Variants in BCL2L13 observed in about 807,000 individuals in gnomAD.
BCL2L13 encodes BCL2 like 13.
A neutral mutation model predicts 25.8 loss-of-function variants in BCL2L13; 13 were observed. The observed-to-expected ratio is 0.50, with a 90% CI of 0.33 to 0.80. The LOEUF (loss-of-function observed/expected upper bound fraction) is 0.80. BCL2L13 is among the 30% of genes least tolerant of loss of function. The pLI is 0.02. For synonymous variants in BCL2L13, 244 were observed against 230.3 expected, an observed-to-expected ratio of 1.06 and a Z score of -0.54; for missense variants, 504 against 574.9, an observed-to-expected ratio of 0.88 and a Z score of 1.26.
intron 4 of BCL2L13, among the ~76,000 whole-genome samples, chr22:17,693,093 G>A (rs945514169): frequency 3.3e-5 from 5 of 152,044 alleles, no homozygotes; most frequent in African/African-American, 1.2e-4. Context: ...AGATCTGAGT[G>A]TGAATTCCTG....
At position 17,726,908 on chromosome 22, in the gene BCL2L13, C is replaced by G. The variant is rs1400143447; in HGVS notation, c.832C>G (p.Gln278Glu). The part of the protein sequence containing the change: ...PVSLGPESWQ[Q>E]IAMDPEEVKS... ...GTCACTAGGCCCTGAGTCCTGGCAGCAGATTGCAATGGATCCTGAAGAAGT... is the reference window on the plus strand; with the variant it reads ...GTCACTAGGCCCTGAGTCCTGGCAGGAGATTGCAATGGATCCTGAAGAAGT... Residue 278 changes from glutamine (Q) to glutamate (E), a missense_variant, in exon 7 of 7, where the codon CAG becomes GAG. Physicochemically the swap from Gln to Glu is conservative, Grantham distance 29. Coordinates refer to ENST00000317582, the MANE Select transcript of BCL2L13 (RefSeq NM_015367.4). The G allele has an allele frequency of 6.2e-6, 10 of 1,614,208 alleles. No homozygotes were observed. Among genetic ancestry groups the G allele is most frequent in the Non-Finnish European group, 8.5e-6 (10 of 1,180,052 alleles).
chr22:17,655,046 T>C (rs2058809369), intron 1 of BCL2L13, among the ~76,000 whole-genome samples: 1 of 134,092 alleles, frequency 7.5e-6, no homozygotes, highest in African/African-American at 2.9e-5. Context: ...TTATAAGCTT[T>C]TTTCTGTTTT....
chr22:17,671,824 A>G (rs1434875293), intron 2 of BCL2L13, among the ~76,000 whole-genome samples: 1 of 151,986 alleles, frequency 6.6e-6, no homozygotes, highest in African/African-American at 2.4e-5. Flanking sequence ...AGCAATTCTC[A>G]TGCCTCAGCC....
chr22:17,667,137 T>C (rs1047590463), intron 2 of BCL2L13, among the ~76,000 whole-genome samples: 1 of 152,202 alleles, frequency 6.6e-6, no homozygotes, highest in Non-Finnish European at 1.5e-5. Flanking sequence ...ATTCCTTTTT[T>C]TGGGTATATA....
chr22:17,683,339 T>C lies in BCL2L13; in HGVS notation c.229+18T>C, dbSNP rs751738331. ...TTCTGAAGGTCTGTTTATTCTTATTTTTCTAGTTAATAAGCAGATTGTGTT... is the reference window on the plus strand; with the variant it reads ...TTCTGAAGGTCTGTTTATTCTTATTCTTCTAGTTAATAAGCAGATTGTGTT... On this transcript the variant is annotated intron_variant, in intron 3 of 6. Transcript: ENST00000317582. 7.2e-7 allele frequency: 1 copy of C among 1,382,170 alleles called. No individual in the cohort carries two copies. Among genetic ancestry groups the C allele is most frequent in the South Asian group, 1.2e-5 (1 of 80,026 alleles). 85.6% of individuals were successfully genotyped at this position (1,382,170 alleles called of 1,614,324 possible).
intron 6 of BCL2L13, among the ~76,000 whole-genome samples, chr22:17,720,715 T>G (rs1298095089): frequency 6.6e-6 from 1 of 151,412 alleles, no homozygotes; most frequent in African/African-American, 2.4e-5. Flanking sequence ...TTGCCCAGGT[T>G]GGTTTCAAAT....
intron 3 of BCL2L13, among the ~76,000 whole-genome samples, chr22:17,684,860 G>A (rs8138394): frequency 0.46 from 70,374 of 151,646 alleles, 17,185 homozygotes; most frequent in East Asian, 0.8. Flanking sequence ...AGCCTCCCGA[G>A]TAGCTGGGAC....
At chr22:17,638,714 C>T (rs751974970), upstream of BCL2L13, 13 of 1,231,602 alleles carry the variant, frequency 1.1e-5, no homozygotes, top group South Asian at 4.1e-5. Context: ...GTTCAGGTCC[C>T]GCCCCGACGC....
intron 5 of BCL2L13, among the ~76,000 whole-genome samples, chr22:17,701,016 G>A (rs2060417024): frequency 6.6e-6 from 1 of 152,050 alleles, no homozygotes; most frequent in Non-Finnish European, 1.5e-5. Context: ...CCTTTTGCAG[G>A]CATATGGACC....
At chr22:17,670,449 A>G (rs2146618074) in intron 2 of BCL2L13, among the ~76,000 whole-genome samples, 1 of 145,664 alleles carries the variant, frequency 6.9e-6, no homozygotes, top group East Asian at 2.0e-4. Context: ...ATCTTGGCTC[A>G]CCGCAACCTC....
chr22:17,710,656 C>CA (rs905025052), intron 6 of BCL2L13, among the ~76,000 whole-genome samples: 1 of 151,946 alleles, frequency 6.6e-6, no homozygotes, highest in African/African-American at 2.4e-5. Context: ...GTGGGCAGAT[C>CA]ACGAGGTCAG....
intron 1 of BCL2L13, among the ~76,000 whole-genome samples, chr22:17,653,887 C>G (rs998633277): frequency 6.6e-6 from 1 of 151,650 alleles, no homozygotes; most frequent in Non-Finnish European, 1.5e-5. Flanking sequence ...GGATATTTAT[C>G]TTAGTTTGCT....
intron 6 of BCL2L13, among the ~76,000 whole-genome samples, chr22:17,713,254 A>G (rs969630206): frequency 2.0e-4 from 31 of 152,154 alleles, no homozygotes; most frequent in African/African-American, 7.0e-4. Context: ...GAATGTGACT[A>G]TGAATTGATT....
At chr22:17,720,186 A>C (rs527366429) in intron 6 of BCL2L13, among the ~76,000 whole-genome samples, 2 of 28,934 alleles carry the variant, frequency 6.9e-5, no homozygotes, top group East Asian at 2.5e-3. Flanking sequence ...TTCTTTCGTT[A>C]GAGACAGGGT....
chr22:17,709,686 G>A (rs1189074571), intron 6 of BCL2L13, among the ~76,000 whole-genome samples: 7 of 152,208 alleles, frequency 4.6e-5, no homozygotes, highest in African/African-American at 1.7e-4. Flanking sequence ...TCAGGTGGCT[G>A]AGGCAGGAGA....
At chr22:17,628,882 A>G (rs1051461246), upstream of BCL2L13, 1 of 575,540 alleles carries the variant, frequency 1.7e-6, no homozygotes, top group Non-Finnish European at 3.1e-6. Context: ...GGGTCCTTCT[A>G]CGTCGCTGAC....
At chr22:17,698,014 C>G (rs2060315918) in intron 5 of BCL2L13, among the ~76,000 whole-genome samples, 1 of 151,902 alleles carries the variant, frequency 6.6e-6, no homozygotes, top group African/African-American at 2.4e-5. Context: ...TGGGGTTTCA[C>G]TGTGTTGGCC....
intron 1 of BCL2L13, among the ~76,000 whole-genome samples, chr22:17,639,165 C>T (rs1249462291): frequency 1.3e-5 from 2 of 152,216 alleles, no homozygotes; most frequent in Non-Finnish European, 1.5e-5. Flanking sequence ...GGCCCTGGCT[C>T]CACGCCGCTG....
intron 5 of BCL2L13, 60 bp downstream of exon 5, chr22:17,696,270 G>A: frequency 7.5e-7 from 1 of 1,338,428 alleles, no homozygotes; most frequent in Non-Finnish European, 1.1e-6. Flanking sequence ...TAAGACGTAG[G>A]AGGAATTGCT....
Sources: allele counts gnomAD v4.1 joint callset (sites outside exome capture counted in the v4.1 genomes callset), GRCh38; gene constraint gnomAD v4.1.1; transcripts MANE v1.5; gene names NCBI Gene and HGNC (gene_info 2026-07-23, HGNC 2026-07-21).